The following MYL12A variants were observed in gnomAD, a reference collection of about 807,000 sequenced individuals.
The protein encoded by MYL12A is myosin light chain 12A, also known as myosin regulatory light chain 12A.
In MYL12A, 11 loss-of-function variants were observed where a neutral mutation model predicts 13.3. The ratio of observed to expected loss-of-function variants is 0.83; its 90% CI spans 0.52 to 1.37. MYL12A has a LOEUF of 1.37. MYL12A is among the 40% of genes most tolerant of loss of function. The pLI, the probability that MYL12A is intolerant of heterozygous loss-of-function variation, is 0.00. For missense variants in MYL12A, 146 were observed against 212.3 expected, an observed-to-expected ratio of 0.69 and a Z score of 1.94; for synonymous variants, 51 against 69.9, an observed-to-expected ratio of 0.73 and a Z score of 1.35.
chr18:3,253,054 A>G (rs1366040342), intron 1 of MYL12A, among the ~76,000 whole-genome samples, 179 bp from the exon 2 acceptor site: 1 of 152,170 alleles, frequency 6.6e-6, no homozygotes, highest in East Asian at 1.9e-4. Flanking sequence ...TGTTAGTTAT[A>G]TAGCAGTACA....
In MYL12A at chr18:3,253,900, A is replaced by G. The variant is rs763543178; in HGVS notation, c.193A>G (p.Thr65Ala). The G allele has an allele frequency of 1.2e-6, 2 of 1,602,878 alleles. No individual in the cohort carries two copies. Among genetic ancestry groups the G allele is most frequent in the East Asian group, 2.2e-5 (1 of 44,818 alleles). Residue 65 changes from threonine (T) to alanine (A), a missense_variant, in exon 3 of 4, where the codon ACT (threonine) becomes GCT (alanine). Physicochemically the swap from Thr to Ala is moderately conservative, Grantham distance 58. Coordinates refer to ENST00000217652, the MANE Select transcript of MYL12A (RefSeq NM_006471.4). Reference sequence around the variant, plus strand: ...TTTTAAAAATTTAGGGAAGAATCCAACTGATGAGTATCTAGATGCCATGAT... The same window carrying G: ...TTTTAAAAATTTAGGGAAGAATCCAGCTGATGAGTATCTAGATGCCATGAT... ...DMLASLGKNP[T>A]DEYLDAMMNE... is the part of the protein sequence containing the mutation.
intron 1 of MYL12A, among the ~76,000 whole-genome samples, chr18:3,249,144 A>G (rs2081459556): frequency 6.6e-6 from 1 of 152,218 alleles, no homozygotes; most frequent in Non-Finnish European, 1.5e-5. Flanking sequence ...CTTTGTAAAT[A>G]AATGCTGGAC....
intron 1 of MYL12A, among the ~76,000 whole-genome samples, chr18:3,249,113 G>T (rs1231753124): frequency 6.6e-6 from 1 of 152,114 alleles, no homozygotes. Flanking sequence ...AAGTTTCTAG[G>T]TTATTTTACA....
chr18:3,247,761 G>A (rs1477641355), upstream of MYL12A: 1 of 152,230 alleles, frequency 6.6e-6, no homozygotes, highest in Non-Finnish European at 1.5e-5. Flanking sequence ...GACCCACTCT[G>A]CGGGCCAAGA....
intron 1 of MYL12A, chr18:3,252,580 G>A: frequency 1.3e-6 from 1 of 788,084 alleles, no homozygotes. Context: ...AGAGATCTTA[G>A]ATACTTCCAG....
At chr18:3,249,791 C>T (rs960452870) in intron 1 of MYL12A, 1 of 152,096 alleles carries the variant, frequency 6.6e-6, no homozygotes, top group African/African-American at 2.4e-5. Flanking sequence ...GCCTGTAATC[C>T]CAGCTACTCC....
chr18:3,255,870 C>G lies in MYL12A; in HGVS notation c.468C>G (p.Ile156Met). The G allele has an allele frequency of 2.5e-6, 4 of 1,613,980 alleles. No individual in the cohort carries two copies. In the South Asian group the frequency reaches 4.4e-5, roughly 18 times the overall value. The change falls in exon 4 of 4, where the codon ATC becomes ATG. Residue 156 changes from isoleucine to methionine, a missense_variant. Coordinates refer to ENST00000217652, the MANE Select transcript of MYL12A (RefSeq NM_006471.4). ...PIDKKGNFNY[I>M]EFTRILKHGA... ...ATAAAAAGGGGAATTTCAATTACAT[C>G]GAGTTCACACGCATCCTGAAACATG...
rs187497493 is a variant in MYL12A at position 3,253,885 on chromosome 18, T to G, written c.182-4T>G. ...TAAAATTATGACCCCTTTTAAAAAT[T>G]TAGGGAAGAATCCAACTGATGAGTA... On this transcript the variant is annotated splice_polypyrimidine_tract_variant and splice_region_variant and intron_variant, in intron 2 of 3. Coordinates refer to ENST00000217652, the MANE Select transcript of MYL12A (RefSeq NM_006471.4). 1 of 1,593,004 alleles carries G rather than the reference T, an allele frequency of 6.3e-7. No individual in the cohort carries two copies. Among genetic ancestry groups the G allele is most frequent in the Non-Finnish European group, 8.5e-7 (1 of 1,174,502 alleles).
At chr18:3,248,596 A>G (rs2081453476) in intron 1 of MYL12A, 1 of 152,242 alleles carries the variant, frequency 6.6e-6, no homozygotes, top group Non-Finnish European at 1.5e-5. Flanking sequence ...ACTTAAGTGC[A>G]AAAAGTTTCA....
chr18:3,253,626 G>A, intron 2 of MYL12A, 198 bp downstream of exon 2: 1 of 719,970 alleles, frequency 1.4e-6, no homozygotes, highest in Non-Finnish European at 2.2e-6. Context: ...GTTCGTGTGT[G>A]TGTGTGTGTG....
intron 2 of MYL12A, 189 bp from the exon 3 acceptor site, chr18:3,253,700 C>T (rs2081510015): frequency 4.2e-6 from 3 of 719,338 alleles, no homozygotes; most frequent in South Asian, 4.0e-5. Flanking sequence ...AATGGACTAT[C>T]ATATACTTTC....
At chr18:3,254,558 T>G (rs540486011) in intron 3 of MYL12A, among the ~76,000 whole-genome samples, 2 of 152,364 alleles carry the variant, frequency 1.3e-5, no homozygotes, top group Non-Finnish European at 2.9e-5. Flanking sequence ...TTGGGGCAAG[T>G]TGCTTAACTT....
intron 1 of MYL12A, 78 bp from the exon 2 acceptor site, chr18:3,253,154 TG>T: frequency 6.9e-7 from 1 of 1,459,010 alleles, no homozygotes. Flanking sequence ...TGTGTACTTT[TG>T]TTAATCATTG....
chr18:3,255,815 T>C lies in MYL12A; in HGVS notation c.413T>C (p.Val138Ala). The C allele has an allele frequency of 6.2e-7, 1 of 1,614,138 alleles. No homozygotes were observed. The highest frequency in any genetic ancestry group is 8.5e-7 in the Non-Finnish European group (1 of 1,180,006). Reference sequence around the variant, plus strand: ...GGGGATCGGTTTACAGATGAGGAAGTGGATGAGCTGTACAGAGAAGCACCT... The same window carrying C: ...GGGGATCGGTTTACAGATGAGGAAGCGGATGAGCTGTACAGAGAAGCACCT... ...TMGDRFTDEEVDELYREAPID... is the reference protein window; with the variant it reads ...TMGDRFTDEEADELYREAPID... Residue 138 changes from valine to alanine, a missense_variant, in exon 4 of 4, where the codon GTG (valine) becomes GCG (alanine). Coordinates refer to ENST00000217652, the MANE Select transcript of MYL12A (RefSeq NM_006471.4).
chr18:3,253,735 A>T lies in MYL12A; in HGVS notation c.182-154A>T. On this transcript the variant is annotated intron_variant, in intron 2 of 3. Transcript: ENST00000217652. ...CCAGACTCTTTAATAGGCCCTATTC[A>T]TTAAGAAAACTTTCCCCCCAAATAG... The T allele has an allele frequency of 4.7e-6, 4 of 854,394 alleles. No individual in the cohort carries two copies. The South Asian group carries it at 7.5e-5, about 16-fold the overall frequency. The allele number at this position is 854,394 out of a possible 1,614,324, so 52.9% of individuals were successfully genotyped here.
At chr18:3,252,840 ATTC>A (rs747295888) in intron 1 of MYL12A, among the ~76,000 whole-genome samples, 4 of 152,204 alleles carry the variant, frequency 2.6e-5, no homozygotes, top group Non-Finnish European at 4.4e-5. Flanking sequence ...CATTCTTACT[ATTC>A]TTCACCTTTC....
At position 3,252,187 on chromosome 18, in the gene MYL12A, A is replaced by C. The variant is rs527791883; in HGVS notation, c.-15-1046A>C. ...ATGTTGTTTTCAGAACGTAAGCTTT[A>C]AAATTGTTATCCTGGTCAGAGTGAA... On this transcript the variant is annotated intron_variant, in intron 1 of 3. Coordinates refer to ENST00000217652, the MANE Select transcript of MYL12A (RefSeq NM_006471.4). 7.8e-3 allele frequency: 5,035 copies of C among 645,798 alleles called. 41 individuals are homozygous for C. The highest frequency in any genetic ancestry group is 0.01 in the Non-Finnish European group (4,076 of 401,912). 40.0% of individuals were successfully genotyped at this position (645,798 alleles called of 1,614,324 possible).
chr18:3,251,049 T>C (rs1179086482), intron 1 of MYL12A, among the ~76,000 whole-genome samples: 1 of 152,068 alleles, frequency 6.6e-6, no homozygotes, highest in Non-Finnish European at 1.5e-5. Context: ...TTGATACATA[T>C]TAGTTTAATT....
chr18:3,251,804 A>C (rs999702618), intron 1 of MYL12A, among the ~76,000 whole-genome samples: 1 of 152,198 alleles, frequency 6.6e-6, no homozygotes, highest in African/African-American at 2.4e-5. Context: ...ATATATCATA[A>C]CTTCTGTGCT....
Sources: gnomAD v4.1 joint callset for allele counts (sites outside exome capture counted in the v4.1 genomes callset) on GRCh38, gnomAD v4.1.1 for gene constraint, MANE v1.5 for transcripts, NCBI Gene and HGNC (gene_info 2026-07-23, HGNC 2026-07-21) for gene names.